Variants in ADAMTS20 observed in about 807,000 individuals in gnomAD.
ADAMTS20 encodes the protein ADAM metallopeptidase with thrombospondin type 1 motif 20, also known as A disintegrin and metalloproteinase with thrombospondin motifs 20.
ADAMTS20 carries 225 observed loss-of-function variants against 260.1 expected under a neutral mutation model. That is an observed-to-expected ratio of 0.87 (90% CI 0.78 to 0.97). The LOEUF (loss-of-function observed/expected upper bound fraction) is 0.97, where lower values mean the gene tolerates loss of function less well. Ranked by LOEUF, ADAMTS20 falls within the 50% of genes least tolerant of loss-of-function variation. ADAMTS20 has a pLI of 0.00. For synonymous variants in ADAMTS20, 802 were observed against 769.5 expected, an observed-to-expected ratio of 1.04 and a Z score of -0.70; for missense variants, 2,400 against 2,337.7, an observed-to-expected ratio of 1.03 and a Z score of -0.55.
chr12:43,373,000 A>G (rs1460923128), intron 36 of ADAMTS20, among the ~76,000 whole-genome samples: 2 of 152,252 alleles, frequency 1.3e-5, no homozygotes, highest in Non-Finnish European at 2.9e-5. Flanking sequence ...GAGAGAATGG[A>G]CTAGGGAAGT....
At chr12:43,464,215 T>A (rs539352687) in intron 10 of ADAMTS20, among the ~76,000 whole-genome samples, 48 of 152,092 alleles carry the variant, frequency 3.2e-4, no homozygotes, top group Non-Finnish European at 6.2e-4. Context: ...ATTAGTTAGA[T>A]TCCTGGTGCC....
rs559880994 is a variant in ADAMTS20 at position 43,356,832 on chromosome 12, C to T, written c.5539-244G>A. Among the ~76,000 whole-genome samples, 5 of 152,314 alleles carry T rather than the reference C, an allele frequency of 3.3e-5. No individual in the cohort carries two copies. In the East Asian group the frequency reaches 5.8e-4, roughly 18 times the overall value. On this transcript the variant is annotated intron_variant, in intron 37 of 38. Transcript: ENST00000389420. Reference sequence around the variant, plus strand: ...CAACATTTGCTGCACTTTAACATTTCTACACGTTCCATTTTTGACCCTTCA... The same window carrying T: ...CAACATTTGCTGCACTTTAACATTTTTACACGTTCCATTTTTGACCCTTCA...
intron 7 of ADAMTS20, among the ~76,000 whole-genome samples, chr12:43,469,977 G>C (rs533713389): frequency 6.6e-6 from 1 of 152,126 alleles, no homozygotes; most frequent in Non-Finnish European, 1.5e-5. Context: ...CTTCGGCAAG[G>C]TCCCTCCAGA....
At chr12:43,358,331 C>T (rs890242095) in intron 37 of ADAMTS20, among the ~76,000 whole-genome samples, 3 of 152,152 alleles carry the variant, frequency 2.0e-5, no homozygotes, top group Non-Finnish European at 4.4e-5. Flanking sequence ...ATGAGCTTTA[C>T]TTCTGTTCTT....
At position 43,472,365 on chromosome 12, in the gene ADAMTS20, G is replaced by A. The variant is rs541251482; in HGVS notation, c.1118-3660C>T. On this transcript the variant is annotated intron_variant, in intron 7 of 38. Transcript: ENST00000389420. ...AAGACCAAATCTACGTCTGATTGGTGTACCTGAAAGTGATGCGGAGAATGG... is the reference window on the plus strand; with the variant it reads ...AAGACCAAATCTACGTCTGATTGGTATACCTGAAAGTGATGCGGAGAATGG... Among the ~76,000 whole-genome samples, 881 of 149,176 alleles carry A rather than the reference G, an allele frequency of 5.9e-3. 12 individuals carry two copies. The highest frequency in any genetic ancestry group is 0.021 in the African/African-American group (840 of 40,540).
chr12:43,382,658 A>G (rs1226563712), intron 31 of ADAMTS20, among the ~76,000 whole-genome samples: 1 of 152,170 alleles, frequency 6.6e-6, no homozygotes, highest in African/African-American at 2.4e-5. Flanking sequence ...GATGTTAAAA[A>G]GATAATTTTT....
chr12:43,483,022 C>G (rs969463), intron 7 of ADAMTS20, among the ~76,000 whole-genome samples: 103,848 of 151,996 alleles, frequency 0.68, 35,865 homozygotes, highest in East Asian at 1. Flanking sequence ...TATATCACTA[C>G]TACAGCTGAC....
chr12:43,461,654 C>A (rs12820049), intron 11 of ADAMTS20, among the ~76,000 whole-genome samples: 106,641 of 151,870 alleles, frequency 0.7, 37,770 homozygotes, highest in East Asian at 1. Context: ...CAAATGTGCC[C>A]ATATCAGCAG....
intron 2 of ADAMTS20, among the ~76,000 whole-genome samples, chr12:43,547,343 G>C (rs12321284): frequency 0.015 from 2,260 of 152,258 alleles, 54 homozygotes; most frequent in African/African-American, 0.05. Context: ...GAACTCAGTA[G>C]ATACTGGAGG....
In ADAMTS20 at chr12:43,550,891, G is replaced by A. The variant is rs763563909; in HGVS notation, c.453+18C>T. ...GCCTGGATCCCAAGAAAATGCCAAG[G>A]GACCCGAGGACACTCACCAGGCCTC... On this transcript the variant is annotated intron_variant, in intron 2 of 38. Transcript: ENST00000389420. 7.3e-6 allele frequency: 11 copies of A among 1,512,402 alleles called. No individual in the cohort carries two copies. Among genetic ancestry groups the A allele is most frequent in the African/African-American group, 2.8e-5 (2 of 71,688 alleles). The allele number at this position is 1,512,402 out of a possible 1,614,324, so 93.7% of individuals were successfully genotyped here.
rs553601331 is a variant in ADAMTS20 at position 43,439,950 on chromosome 12, C to T, written c.2410G>A (p.Ala804Thr). 2.5e-6 allele frequency: 4 copies of T among 1,603,900 alleles called. No individual in the cohort carries two copies. Among genetic ancestry groups the T allele is most frequent in the South Asian group, 2.2e-5 (2 of 89,906 alleles). ...TVIEYSGSNN[A>T]VERINSTNRQ... ...TTAGTACTATTAATTCTTTCAACTG[C>T]GTTATTTGATCCACTGTATTCAATA... Residue 804 changes from alanine to threonine, a missense_variant, in exon 17 of 39, where the codon GCA (alanine) becomes ACA (threonine). By Grantham distance (58) the Ala-to-Thr change is moderately conservative (BLOSUM62 0). Coordinates refer to ENST00000389420, the MANE Select transcript of ADAMTS20 (RefSeq NM_025003.5).
At chr12:43,489,126 C>G (rs527975037) in intron 7 of ADAMTS20, among the ~76,000 whole-genome samples, 29 of 149,510 alleles carry the variant, frequency 1.9e-4, no homozygotes, top group African/African-American at 7.3e-4. Flanking sequence ...AAAAAATTAC[C>G]CCAATGGATT....
intron 18 of ADAMTS20, among the ~76,000 whole-genome samples, chr12:43,435,491 C>T (rs10748357): frequency 0.57 from 86,657 of 150,906 alleles, 25,344 homozygotes; most frequent in East Asian, 0.85. Context: ...ATACAGAAAT[C>T]AGCCAGGCGT....
chr12:43,460,988 A>ATATATATATATATATATTTTTTTTTTTTT, intron 11 of ADAMTS20, among the ~76,000 whole-genome samples: 2 of 26,394 alleles, frequency 7.6e-5, no homozygotes, highest in Admixed American at 8.3e-4. Context: ...ATATATATAT[A>ATATATATATATATATATTTTTTTTTTTTT]TTTTTTTTTT....
At chr12:43,375,648 C>A in intron 35 of ADAMTS20, 136 bp from the exon 36 acceptor site, 15 of 957,072 alleles carry the variant, frequency 1.6e-5, no homozygotes, top group Middle Eastern at 3.4e-4. Flanking sequence ...AAGAAAGAAG[C>A]AAAAATCACT....
intron 14 of ADAMTS20, among the ~76,000 whole-genome samples, chr12:43,451,908 A>T (rs1941870497): frequency 6.6e-6 from 1 of 152,200 alleles, no homozygotes; most frequent in South Asian, 2.1e-4. Flanking sequence ...GTTTCAACGG[A>T]CAAGGAAAAC....
intron 7 of ADAMTS20, among the ~76,000 whole-genome samples, chr12:43,482,781 C>A (rs1296473371): frequency 6.6e-6 from 1 of 152,192 alleles, no homozygotes; most frequent in Non-Finnish European, 1.5e-5. Context: ...CCCTGGGTAA[C>A]ATAAGGCAAG....
chr12:43,368,907 G>T (rs1304056544), intron 37 of ADAMTS20, among the ~76,000 whole-genome samples: 1 of 152,094 alleles, frequency 6.6e-6, no homozygotes, highest in African/African-American at 2.4e-5. Context: ...TTTGGAGGAC[G>T]TTACAGACCC....
chr12:43,385,297 G>A (rs1480116106), intron 29 of ADAMTS20, among the ~76,000 whole-genome samples: 1 of 152,060 alleles, frequency 6.6e-6, no homozygotes, highest in African/African-American at 2.4e-5. Context: ...ACTTTTTAAT[G>A]GGGTTGCTTT....
Sources: allele counts gnomAD v4.1 joint callset (sites outside exome capture counted in the v4.1 genomes callset), GRCh38; gene constraint gnomAD v4.1.1; transcripts MANE v1.5; gene names NCBI Gene and HGNC (gene_info 2026-07-23, HGNC 2026-07-21).